Variants in MBNL2 observed in about 807,000 individuals in gnomAD.
The protein encoded by MBNL2 is muscleblind like splicing regulator 2, also known as muscleblind-like protein 2.
MBNL2 carries 17 observed loss-of-function variants against 41.9 expected under a neutral mutation model. That is an observed-to-expected ratio of 0.41 (90% confidence interval 0.28 to 0.61). The LOEUF (loss-of-function observed/expected upper bound fraction) is 0.61. Ranked by LOEUF, MBNL2 falls within the 20% of genes least tolerant of loss-of-function variation. The pLI is 0.35. For missense variants in MBNL2, 336 were observed against 505.6 expected, an observed-to-expected ratio of 0.66 and a Z score of 3.22; for synonymous variants, 195 against 182.9, an observed-to-expected ratio of 1.07 and a Z score of -0.53.
chr13:97,158,028 A>C, the MBNL2 span, among the ~76,000 whole-genome samples: 1 of 147,390 alleles, frequency 6.8e-6, no homozygotes, highest in African/African-American at 2.5e-5. Context: ...CTGGTCCTGG[A>C]CTCTTTTTGG....
intron 2 of MBNL2, among the ~76,000 whole-genome samples, chr13:97,326,754 C>T (rs537313594): frequency 6.6e-6 from 1 of 152,146 alleles, no homozygotes; most frequent in Non-Finnish European, 1.5e-5. Context: ...AAAAGAAGCC[C>T]AAAAGCCTAA....
intron 1 of MBNL2, among the ~76,000 whole-genome samples, chr13:97,238,279 T>G (rs1487798844): frequency 3.3e-5 from 5 of 152,018 alleles, no homozygotes; most frequent in Non-Finnish European, 7.4e-5. Context: ...GACACAGGCT[T>G]GGGTAGATGA....
At chr13:97,163,281 T>C in the MBNL2 span, among the ~76,000 whole-genome samples, 152 of 152,286 alleles carry the variant, frequency 1.0e-3, 5 homozygotes, top group South Asian at 0.013. Context: ...CCAGATACCA[T>C]GTATTCAAAC....
intron 1 of MBNL2, among the ~76,000 whole-genome samples, chr13:97,253,923 G>A (rs1206036801): frequency 6.6e-6 from 1 of 151,852 alleles, no homozygotes; most frequent in Non-Finnish European, 1.5e-5. Context: ...TTGAGACAGA[G>A]TCTCACTCTG....
chr13:97,267,104 A>T (rs999763995), intron 1 of MBNL2, among the ~76,000 whole-genome samples: 1 of 152,160 alleles, frequency 6.6e-6, no homozygotes, highest in African/African-American at 2.4e-5. Flanking sequence ...AAATGTACAA[A>T]CTATCTAGAA....
the MBNL2 span, among the ~76,000 whole-genome samples, chr13:97,158,545 T>G: frequency 1.2e-3 from 188 of 151,638 alleles, 1 homozygote; most frequent in African/African-American, 3.9e-3. Flanking sequence ...TGCTATAAAT[T>G]TCCCTCTACA....
intron 2 of MBNL2, among the ~76,000 whole-genome samples, chr13:97,333,754 C>T (rs1163257153): frequency 6.6e-6 from 1 of 151,938 alleles, no homozygotes; most frequent in African/African-American, 2.4e-5. Context: ...TTGGACATCA[C>T]TCTAGCATGT....
chr13:97,388,819 A>T (rs909201920), intron 8 of MBNL2, among the ~76,000 whole-genome samples: 2 of 152,204 alleles, frequency 1.3e-5, no homozygotes, highest in Admixed American at 6.5e-5. Context: ...AAAATTTAAT[A>T]ATCAGAAGAT....
At chr13:97,178,511 T>C in the MBNL2 span, among the ~76,000 whole-genome samples, 3 of 152,230 alleles carry the variant, frequency 2.0e-5, no homozygotes, top group African/African-American at 4.8e-5. Context: ...GAAACGTGTG[T>C]GGGCCCATGT....
chr13:97,351,601 T>C (rs2062464524), intron 5 of MBNL2, among the ~76,000 whole-genome samples: 1 of 152,236 alleles, frequency 6.6e-6, no homozygotes, highest in African/African-American at 2.4e-5. Context: ...CCATGCTCTT[T>C]TATGTTATGG....
At chr13:97,156,973 A>G in the MBNL2 span, among the ~76,000 whole-genome samples, 1,460 of 150,922 alleles carry the variant, frequency 9.7e-3, 22 homozygotes, top group African/African-American at 0.034. Context: ...GAGTCTGTAA[A>G]TTACCTTGGG....
chr13:97,175,347 C>G, the MBNL2 span, among the ~76,000 whole-genome samples: 1 of 152,162 alleles, frequency 6.6e-6, no homozygotes, highest in East Asian at 1.9e-4. Context: ...TCTTATACAA[C>G]GAATCCTGAC....
chr13:97,314,472 A>G (rs575270124), intron 2 of MBNL2, among the ~76,000 whole-genome samples: 2 of 152,294 alleles, frequency 1.3e-5, no homozygotes, highest in East Asian at 3.9e-4. Context: ...TGTAAGCTCT[A>G]TGAAGGCAGG....
chr13:97,287,171 G>A (rs4771990), intron 2 of MBNL2, among the ~76,000 whole-genome samples: 42 of 152,166 alleles, frequency 2.8e-4, no homozygotes, highest in African/African-American at 8.7e-4. Flanking sequence ...AGGCTCACTC[G>A]TGTATAGCTG....
chr13:97,246,641 G>A (rs1165742589), intron 1 of MBNL2, among the ~76,000 whole-genome samples: 4 of 152,324 alleles, frequency 2.6e-5, no homozygotes, highest in Non-Finnish European at 1.5e-5. Context: ...GGAGGAGGCA[G>A]CGGGATTTGT....
chr13:97,162,356 G>A, the MBNL2 span, among the ~76,000 whole-genome samples: 1 of 152,146 alleles, frequency 6.6e-6, no homozygotes, highest in Non-Finnish European at 1.5e-5. Flanking sequence ...GAAAGAGACG[G>A]CTTACTGGAT....
intron 8 of MBNL2, among the ~76,000 whole-genome samples, chr13:97,365,756 C>T (rs1447593357): frequency 1.3e-5 from 2 of 152,166 alleles, no homozygotes; most frequent in Admixed American, 1.3e-4. Flanking sequence ...TGTCCTCACA[C>T]ACATGAATGC....
rs1430447555 is a variant in MBNL2, at chr13:97,315,814, G to GCTCGTGGGTGAGGATGTGGAAGGCCTTA, written c.175-18434_175-18407dup. On this transcript the variant is annotated intron_variant, in intron 2 of 8. Coordinates refer to ENST00000679496, the MANE Select transcript of MBNL2 (RefSeq NM_001382683.1). ...CATGGGTGAGGATGTGGAAGGCCTT[G>GCTCGTGGGTGAGGATGTGGAAGGCCTTA]CTCGTGGGTGAGGATGTGGAAGGCC... is the stretch of plus-strand genomic sequence containing the variant. Among the ~76,000 whole-genome samples the GCTCGTGGGTGAGGATGTGGAAGGCCTTA allele has an allele frequency of 2.1e-4, 32 of 151,988 alleles. No homozygotes were observed. In the East Asian group the frequency reaches 2.8e-3, roughly 13 times the overall value.
the MBNL2 span, among the ~76,000 whole-genome samples, chr13:97,144,423 C>CTTTTTTTTTTTTTTTTTTTTT: frequency 1.7e-5 from 2 of 118,084 alleles, no homozygotes; most frequent in East Asian, 2.5e-4. Flanking sequence ...CATGATACTT[C>CTTTTTTTTTTTTTTTTTTTTT]TTTTTTTTTT....
Sources: allele counts gnomAD v4.1 joint callset (sites outside exome capture counted in the v4.1 genomes callset), GRCh38; gene constraint gnomAD v4.1.1; transcripts MANE v1.5; gene names NCBI Gene and HGNC (gene_info 2026-07-23, HGNC 2026-07-21).